Variants in CADPS2 observed in about 807,000 individuals in gnomAD.
The protein encoded by CADPS2 is calcium dependent secretion activator 2.
CADPS2 carries 93 observed loss-of-function variants against 172.5 expected under a neutral mutation model. That is an observed-to-expected ratio of 0.54 (90% CI 0.46 to 0.64). The LOEUF (loss-of-function observed/expected upper bound fraction) is 0.64. Among genes scored for constraint, CADPS2 ranks in the 30% least tolerant of loss-of-function variants. The pLI, the probability that CADPS2 is intolerant of heterozygous loss-of-function variation, is 0.00. For missense variants in CADPS2, 1,420 were observed against 1,565.9 expected (o/e 0.91, Z 1.57); for synonymous variants, 546 against 555.2 (o/e 0.98, Z 0.23).
At chr7:122,514,500 C>G (rs775772950) in intron 8 of CADPS2, among the ~76,000 whole-genome samples, 58 of 151,782 alleles carry the variant, frequency 3.8e-4, no homozygotes, top group Non-Finnish European at 4.4e-4. Flanking sequence ...CCTTTAGAAA[C>G]AGTGACATAG....
chr7:122,856,062 T>C (rs944807434), intron 1 of CADPS2, among the ~76,000 whole-genome samples: 6 of 152,124 alleles, frequency 3.9e-5, no homozygotes, highest in Non-Finnish European at 4.4e-5. Flanking sequence ...GCCTGGAACA[T>C]AGATACCTTT....
rs777278440 is a variant in CADPS2, at chr7:122,621,683, A to G, written c.902T>C (p.Met301Thr). The G allele has an allele frequency of 1.1e-5, 18 of 1,598,818 alleles. No individual in the cohort carries two copies. The highest frequency in any genetic ancestry group is 8.8e-5 in the Admixed American group (5 of 57,120). The stretch of plus-strand genomic sequence containing the variant: ...CAACTCTTCTATATACATATTCTCC[A>G]TATCTTTTGCTATAAATTTGGGGAA... ...RKFPKFIAKD[M>T]ENMYIEELRS... The change falls in exon 5 of 30, where the codon ATG becomes ACG. Residue 301 changes from methionine (M) to threonine (T), a missense_variant. Transcript: ENST00000449022.
At chr7:122,443,884 T>G (rs1467028758) in intron 15 of CADPS2, among the ~76,000 whole-genome samples, 3 of 152,202 alleles carry the variant, frequency 2.0e-5, no homozygotes, top group South Asian at 4.1e-4. Flanking sequence ...TTCATTTGTT[T>G]CAGGAACTGC....
intron 15 of CADPS2, among the ~76,000 whole-genome samples, chr7:122,449,796 CT>C (rs2052804142): frequency 6.6e-6 from 1 of 152,058 alleles, no homozygotes; most frequent in South Asian, 2.1e-4. Context: ...ATTTACTGGC[CT>C]TTTTGGGCAG....
chr7:122,370,947 T>C (rs977894343), intron 25 of CADPS2, among the ~76,000 whole-genome samples: 1 of 152,180 alleles, frequency 6.6e-6, no homozygotes, highest in Non-Finnish European at 1.5e-5. Flanking sequence ...TTCTAAGGAA[T>C]ATTAATTCCT....
At chr7:122,774,584 A>C (rs2093817221) in intron 1 of CADPS2, among the ~76,000 whole-genome samples, 1 of 152,298 alleles carries the variant, frequency 6.6e-6, no homozygotes, top group Non-Finnish European at 1.5e-5. Flanking sequence ...CAATTACCAT[A>C]ATCTTTGCTA....
intron 17 of CADPS2, among the ~76,000 whole-genome samples, chr7:122,433,099 G>C (rs2151908240): frequency 6.6e-6 from 1 of 151,812 alleles, no homozygotes; most frequent in African/African-American, 2.4e-5. Flanking sequence ...TCAGCCTTAT[G>C]AGTAGCTGGG....
At chr7:122,690,759 T>C (rs902326625) in intron 2 of CADPS2, among the ~76,000 whole-genome samples, 42 of 152,184 alleles carry the variant, frequency 2.8e-4, no homozygotes, top group African/African-American at 9.7e-4. Flanking sequence ...CAGCTGCAGA[T>C]TACTGTAGGT....
intron 7 of CADPS2, among the ~76,000 whole-genome samples, chr7:122,569,284 G>C (rs1407512658): frequency 1.3e-5 from 2 of 152,030 alleles, no homozygotes; most frequent in Non-Finnish European, 2.9e-5. Context: ...ATTCACAACT[G>C]CTTCAAAGAG....
At chr7:122,517,457 A>C (rs968206084) in intron 8 of CADPS2, among the ~76,000 whole-genome samples, 3 of 152,072 alleles carry the variant, frequency 2.0e-5, no homozygotes, top group African/African-American at 7.2e-5. Flanking sequence ...GTACATGTTT[A>C]ACTTTACAAG....
rs1246964417 is a variant in CADPS2 at position 122,451,539 on chromosome 7, C to T, written c.2187-64G>A. On this transcript the variant is annotated intron_variant, in intron 14 of 29. Coordinates refer to ENST00000449022, the MANE Select transcript of CADPS2 (RefSeq NM_017954.11). ...AACATTTACTTTTATATATTTTATA[C>T]ATATGTATATTTAAAAATCCAAGGA... 1.4e-5 allele frequency: 12 copies of T among 877,302 alleles called. No homozygotes were observed. The East Asian group carries it at 2.2e-4, about 16-fold the overall frequency. 54.3% of individuals were successfully genotyped at this position (877,302 alleles called of 1,614,324 possible).
rs187675901 is a variant in CADPS2 at position 122,345,802 on chromosome 7, T to G, written c.3505-121A>C. ...ACAGTCATAACAAGGAGCTTAAAAC[T>G]AAACCAAAAGTGAGCATCTTCAATA... is the stretch of plus-strand genomic sequence containing the variant. On this transcript the variant is annotated intron_variant, in intron 27 of 29. Transcript: ENST00000449022. 1.3e-3 allele frequency: 757 copies of G among 595,932 alleles called. 3 individuals carry two copies. In the African/African-American group the frequency reaches 0.013, roughly 10 times the overall value. 36.9% of individuals were successfully genotyped at this position (595,932 alleles called of 1,614,324 possible).
At chr7:122,727,603 G>A (rs2091238707) in intron 2 of CADPS2, among the ~76,000 whole-genome samples, 1 of 151,740 alleles carries the variant, frequency 6.6e-6, no homozygotes, top group Non-Finnish European at 1.5e-5. Flanking sequence ...GAAGAGAGAA[G>A]AGGAAAATGC....
At chr7:122,370,074 A>G (rs919814568) in intron 25 of CADPS2, among the ~76,000 whole-genome samples, 1 of 152,170 alleles carries the variant, frequency 6.6e-6, no homozygotes, top group East Asian at 1.9e-4. Flanking sequence ...TGGTCCTTTC[A>G]TCTCTCTTCT....
chr7:122,684,679 T>C (rs1418538902), intron 2 of CADPS2, among the ~76,000 whole-genome samples: 2 of 152,148 alleles, frequency 1.3e-5, no homozygotes, highest in African/African-American at 2.4e-5. Flanking sequence ...CTTGAGAAGA[T>C]GGGTGATATG....
At chr7:122,570,865 A>T (rs2067156569) in intron 7 of CADPS2, among the ~76,000 whole-genome samples, 1 of 152,118 alleles carries the variant, frequency 6.6e-6, no homozygotes, top group Non-Finnish European at 1.5e-5. Context: ...GGGGAACATC[A>T]CACTCTGGAG....
intron 2 of CADPS2, among the ~76,000 whole-genome samples, chr7:122,707,692 T>C (rs2136549175): frequency 6.6e-6 from 1 of 151,998 alleles, no homozygotes; most frequent in East Asian, 1.9e-4. Context: ...GAAAACAGAA[T>C]ATTGACTCTA....
chr7:122,406,355 A>G (rs1184571158), intron 20 of CADPS2, among the ~76,000 whole-genome samples: 2 of 152,236 alleles, frequency 1.3e-5, no homozygotes, highest in Non-Finnish European at 2.9e-5. Flanking sequence ...CAGCAAAAAC[A>G]TGTGCAGTTT....
chr7:122,450,426 C>T (rs1287422556), intron 15 of CADPS2, among the ~76,000 whole-genome samples: 2 of 148,354 alleles, frequency 1.3e-5, no homozygotes, highest in African/African-American at 2.5e-5. Context: ...TTATTAAGTT[C>T]TGTTGAACTA....
Sources: allele counts gnomAD v4.1 joint callset (sites outside exome capture counted in the v4.1 genomes callset), GRCh38; gene constraint gnomAD v4.1.1; transcripts MANE v1.5; gene names NCBI Gene and HGNC (gene_info 2026-07-23, HGNC 2026-07-21).